Variants in GOLGA4 observed in about 807,000 individuals in gnomAD.
The protein encoded by GOLGA4 is golgin A4, also known as golgin subfamily A member 4.
Under a neutral mutation model 265.9 loss-of-function variants are expected in GOLGA4, and 169 were observed. That is an observed-to-expected ratio of 0.64 (90% confidence interval 0.56 to 0.72). GOLGA4 has a LOEUF of 0.72. Among genes scored for constraint, GOLGA4 ranks in the 30% least tolerant of loss-of-function variants. GOLGA4 has a pLI of 0.00. For missense variants in GOLGA4, 2,482 were observed against 2,483.4 expected (o/e 1.00, Z 0.01); for synonymous variants, 923 against 855.8 (o/e 1.08, Z -1.37).
intron 1 of GOLGA4, chr3:37,243,951 C>G (rs1039078411): frequency 3.2e-6 from 1 of 308,944 alleles, no homozygotes; most frequent in Non-Finnish European, 6.0e-6. Context: ...GGTTTTCCCA[C>G]TCATCTGAGA....
rs532050620 is a variant in GOLGA4, at chr3:37,332,333, C to T, written c.6193-2720C>T. On this transcript the variant is annotated intron_variant, in intron 16 of 23. Transcript: ENST00000361924. ...ATCTCTCTTTTGGCTAAAAAAAGAT[C>T]GGGGCAGCGGGGGTGGTGTGGTGCA... Among the ~76,000 whole-genome samples the T allele has an allele frequency of 5.6e-3, 858 of 152,188 alleles. 3 individuals are homozygous for T. Among genetic ancestry groups the T allele is most frequent in the Non-Finnish European group, 1.0e-2 (679 of 67,982 alleles).
At chr3:37,272,267 A>G (rs911039171) in intron 2 of GOLGA4, among the ~76,000 whole-genome samples, 1 of 152,100 alleles carries the variant, frequency 6.6e-6, no homozygotes, top group Non-Finnish European at 1.5e-5. Context: ...AAAGATAAAG[A>G]TGGTTGGGCA....
At chr3:37,318,751 G>A (rs976922844) in intron 11 of GOLGA4, among the ~76,000 whole-genome samples, 1 of 152,108 alleles carries the variant, frequency 6.6e-6, no homozygotes, top group Non-Finnish European at 1.5e-5. Flanking sequence ...CCCTCTCTGA[G>A]AGCATCCTTA....
intron 7 of GOLGA4, among the ~76,000 whole-genome samples, chr3:37,298,598 AG>A (rs1248424092): frequency 6.6e-6 from 1 of 152,224 alleles, no homozygotes; most frequent in Non-Finnish European, 1.5e-5. Context: ...CCAGGCAAGA[AG>A]GGGGTTTGTT....
chr3:37,328,683 C>A, intron 15 of GOLGA4, 146 bp downstream of exon 15: 1 of 828,422 alleles, frequency 1.2e-6, no homozygotes, highest in Non-Finnish European at 1.9e-6. Context: ...CTAATGGGAA[C>A]CTGCCCTGCT....
intron 6 of GOLGA4, among the ~76,000 whole-genome samples, chr3:37,295,804 T>C (rs2096876665): frequency 6.6e-6 from 1 of 152,234 alleles, no homozygotes; most frequent in South Asian, 2.1e-4. Context: ...TAGACTTTTT[T>C]TCTTCTCATT....
intron 7 of GOLGA4, 61 bp downstream of exon 7, chr3:37,296,280 T>G: frequency 6.5e-7 from 1 of 1,542,644 alleles, no homozygotes; most frequent in Non-Finnish European, 8.9e-7. Context: ...GCTCCTTGGC[T>G]TACACCTTTA....
At chr3:37,262,571 A>G (rs2096772719) in intron 2 of GOLGA4, among the ~76,000 whole-genome samples, 2 of 152,090 alleles carry the variant, frequency 1.3e-5, no homozygotes, top group Non-Finnish European at 2.9e-5. Context: ...AATAAAACTC[A>G]GACTGATGCC....
At position 37,315,499 on chromosome 3, in the gene GOLGA4, T is replaced by C; in HGVS notation, c.1314T>C (p.Asp438=). The C allele has an allele frequency of 1.2e-6, 2 of 1,613,870 alleles. No individual in the cohort carries two copies. Among genetic ancestry groups the C allele is most frequent in the Middle Eastern group, 1.7e-4 (1 of 6,060 alleles). Residue 438 remains aspartate (D), a synonymous_variant, in exon 11 of 24, where the codon GAT becomes GAC. Coordinates refer to ENST00000361924, the MANE Select transcript of GOLGA4 (RefSeq NM_002078.5). ...GGAGAAAACTGAAGGCAGAAATGGA[T>C]GAACAAATAAAAACTATCGAAAAAA... The part of the protein sequence containing the change: ...EARRKLKAEM[D]EQIKTIEKTS...
At chr3:37,301,936 A>G (rs11129755) in intron 9 of GOLGA4, among the ~76,000 whole-genome samples, 55,035 of 151,794 alleles carry the variant, frequency 0.36, 10,547 homozygotes, top group Non-Finnish European at 0.42. Flanking sequence ...TTACAGGCAT[A>G]TACCACCATG....
At chr3:37,304,621 C>T (rs1211602722) in intron 10 of GOLGA4, among the ~76,000 whole-genome samples, 1 of 152,086 alleles carries the variant, frequency 6.6e-6, no homozygotes, top group African/African-American at 2.4e-5. Flanking sequence ...AAATGTTGGT[C>T]AGGGGATTAC....
rs138088770 is a variant in GOLGA4 at position 37,251,896 on chromosome 3, G to A, written c.162+412G>A. ...GGGGTCCCACTATGTTGCTCAGGCT[G>A]GTCTTGAACTCCTGGGCTCAAGTGA... is the stretch of plus-strand genomic sequence containing the variant. On this transcript the variant is annotated intron_variant, in intron 2 of 23. Transcript: ENST00000361924. 3.2e-3 allele frequency among the ~76,000 whole-genome samples: 494 copies of A among 152,208 alleles called. 6 individuals are homozygous for A. Among genetic ancestry groups the A allele is most frequent in the African/African-American group, 0.011 (465 of 41,532 alleles).
At chr3:37,328,663 A>G (rs1426386628) in intron 15 of GOLGA4, 126 bp downstream of exon 15, 1 of 926,846 alleles carries the variant, frequency 1.1e-6, no homozygotes, top group South Asian at 1.8e-5. Flanking sequence ...TCCTTGCCCA[A>G]TAACATTCTC....
chr3:37,260,466 C>T (rs2150663141), intron 2 of GOLGA4, among the ~76,000 whole-genome samples: 1 of 152,114 alleles, frequency 6.6e-6, no homozygotes, highest in East Asian at 1.9e-4. Flanking sequence ...CCCCCGCTGT[C>T]TCTACTAAAA....
rs373401405 is a variant in GOLGA4 at position 37,273,555 on chromosome 3, C to T, written c.163-8403C>T. The T allele has an allele frequency of 2.8e-4, 428 of 1,512,854 alleles. 4 individuals are homozygous for T. In the African/African-American group the frequency reaches 5.0e-3, roughly 18 times the overall value. The allele number at this position is 1,512,854 out of a possible 1,614,324, so 93.7% of individuals were successfully genotyped here. A position where few individuals can be genotyped will look rare whatever the true frequency, so the allele number is the denominator to read the frequency against. On this transcript the variant is annotated intron_variant, in intron 2 of 23. Transcript: ENST00000361924. Reference sequence around the variant, plus strand: ...TCTTAGAATGCATCTACTCATGCCTCGAAATCTCCTGACAGTGTTAATGGA... The same window carrying T: ...TCTTAGAATGCATCTACTCATGCCTTGAAATCTCCTGACAGTGTTAATGGA...
intron 9 of GOLGA4, 51 bp from the exon 10 acceptor site, chr3:37,302,134 G>T: frequency 6.6e-7 from 1 of 1,513,440 alleles, no homozygotes; most frequent in Non-Finnish European, 9.2e-7. Context: ...CTGTGCTGTT[G>T]ATGATGCAGT....
intron 21 of GOLGA4, among the ~76,000 whole-genome samples, chr3:37,351,237 T>C (rs1272845709): frequency 6.6e-6 from 1 of 152,164 alleles, no homozygotes; most frequent in African/African-American, 2.4e-5. Context: ...TGTTCATCCA[T>C]ACGAAGCAAC....
At chr3:37,342,034 A>G (rs1241119280) in intron 20 of GOLGA4, among the ~76,000 whole-genome samples, 6 of 152,054 alleles carry the variant, frequency 3.9e-5, no homozygotes, top group Non-Finnish European at 8.8e-5. Flanking sequence ...TCTCTTCGTC[A>G]TGCTGCCTCT....
rs74330742 is a variant in GOLGA4, at chr3:37,360,017, A to G, written c.6664-1226A>G. Among the ~76,000 whole-genome samples the G allele has an allele frequency of 2.1e-3, 325 of 152,318 alleles. 8 individuals are homozygous for G. The East Asian group carries it at 0.059, about 28-fold the overall frequency. ...CAGAAACATAGAAAGGGAGTCCCTC[A>G]TGATCTTCAGCCTCCAGACTACTTC... On this transcript the variant is annotated intron_variant, in intron 22 of 23. Coordinates refer to ENST00000361924, the MANE Select transcript of GOLGA4 (RefSeq NM_002078.5).
Sources: gnomAD v4.1 joint callset for allele counts (sites outside exome capture counted in the v4.1 genomes callset) on GRCh38, gnomAD v4.1.1 for gene constraint, MANE v1.5 for transcripts, NCBI Gene and HGNC (gene_info 2026-07-23, HGNC 2026-07-21) for gene names.